NCAM2: variants seen among roughly 807,000 people sequenced by gnomAD.
NCAM2 encodes N-CAM-2.
NCAM2 carries 30 observed loss-of-function variants against 98.1 expected under a neutral mutation model. That is an observed-to-expected ratio of 0.31 (90% CI 0.23 to 0.41). NCAM2 has a LOEUF of 0.41. NCAM2 is among the 10% of genes least tolerant of loss of function. The pLI, the probability that NCAM2 is intolerant of heterozygous loss-of-function variation, is 1.00. For missense variants in NCAM2, 867 were observed against 1,005.8 expected, an observed-to-expected ratio of 0.86 and a Z score of 1.87; for synonymous variants, 368 against 342.4, an observed-to-expected ratio of 1.07 and a Z score of -0.83.
chr21:21,093,360 C>T (rs2066053356), intron 1 of NCAM2, among the ~76,000 whole-genome samples: 1 of 152,056 alleles, frequency 6.6e-6, no homozygotes, highest in Non-Finnish European at 1.5e-5. Context: ...CAAGAGCGAG[C>T]ATGTGCAATT....
intron 8 of NCAM2, among the ~76,000 whole-genome samples, chr21:21,365,508 G>A (rs1406377304): frequency 2.0e-5 from 3 of 151,656 alleles, no homozygotes; most frequent in African/African-American, 7.3e-5. Context: ...TACAATGTCT[G>A]GCATAAAATT....
intron 15 of NCAM2, among the ~76,000 whole-genome samples, chr21:21,481,948 A>G (rs1452816070): frequency 1.3e-5 from 2 of 151,990 alleles, no homozygotes; most frequent in African/African-American, 4.8e-5. Flanking sequence ...AAATACGAAA[A>G]TGAACCGGGC....
chr21:21,382,641 G>C (rs1286657397), intron 9 of NCAM2, among the ~76,000 whole-genome samples: 5 of 151,348 alleles, frequency 3.3e-5, no homozygotes, highest in Admixed American at 3.3e-4. Flanking sequence ...CCAACCTTCT[G>C]AGTAGCTGGG....
At chr21:21,140,454 G>A (rs1368851406) in intron 1 of NCAM2, among the ~76,000 whole-genome samples, 1 of 152,074 alleles carries the variant, frequency 6.6e-6, no homozygotes, top group Non-Finnish European at 1.5e-5. Flanking sequence ...CAGAAATAAT[G>A]ATAATCTTTT....
chr21:21,224,339 T>C (rs4818608), intron 1 of NCAM2, among the ~76,000 whole-genome samples: 150,983 of 152,252 alleles, frequency 0.99, 74,877 homozygotes, highest in East Asian at 1. Context: ...CTTAAGATGT[T>C]TTTGTTTTAT....
intron 6 of NCAM2, among the ~76,000 whole-genome samples, chr21:21,330,978 A>G (rs2074659716): frequency 6.6e-6 from 1 of 152,114 alleles, no homozygotes; most frequent in Non-Finnish European, 1.5e-5. Flanking sequence ...CTTCTCTGAG[A>G]GTTTCAAGGA....
rs34541675 is a variant in NCAM2 at position 21,135,079 on chromosome 21, CAA to C, written c.55+136477_55+136478del. Among the ~76,000 whole-genome samples the C allele has an allele frequency of 2.2e-3, 313 of 139,558 alleles. 1 individual carries two copies. Among genetic ancestry groups the C allele is most frequent in the African/African-American group, 5.5e-3 (214 of 38,682 alleles). 91.6% of individuals were successfully genotyped at this position (139,558 alleles called of 152,430 possible). On this transcript the variant is annotated intron_variant, in intron 1 of 17. Transcript: ENST00000400546. Reference sequence around the variant, plus strand: ...TGAAACCCCGTCTCTACTAAAAATACAAAAAAAAAAAAAAAAATTAGCTGGGC... The same window carrying C: ...TGAAACCCCGTCTCTACTAAAAATACAAAAAAAAAAAAAAATTAGCTGGGC...
intron 5 of NCAM2, among the ~76,000 whole-genome samples, chr21:21,323,992 T>C (rs1422786423): frequency 6.6e-6 from 1 of 152,194 alleles, no homozygotes; most frequent in Non-Finnish European, 1.5e-5. Context: ...GGTGGTATTG[T>C]CTTTTTCTGA....
intron 5 of NCAM2, among the ~76,000 whole-genome samples, chr21:21,295,282 G>T (rs2073436697): frequency 6.6e-6 from 1 of 151,766 alleles, no homozygotes; most frequent in East Asian, 2.0e-4. Flanking sequence ...AGATATCCTT[G>T]CTGGCTTCCT....
At chr21:21,362,947 G>T (rs1002149004) in intron 8 of NCAM2, among the ~76,000 whole-genome samples, 1 of 152,088 alleles carries the variant, frequency 6.6e-6, no homozygotes, top group Non-Finnish European at 1.5e-5. Flanking sequence ...TTTCTATATG[G>T]ATATTTGCAT....
At chr21:21,278,135 G>A (rs540580141) in intron 1 of NCAM2, among the ~76,000 whole-genome samples, 9 of 152,108 alleles carry the variant, frequency 5.9e-5, no homozygotes, top group Non-Finnish European at 1.2e-4. Context: ...AGAAAGAAAA[G>A]AGAAGACACA....
At chr21:21,351,891 C>A (rs1219853383) in intron 8 of NCAM2, among the ~76,000 whole-genome samples, 1 of 152,042 alleles carries the variant, frequency 6.6e-6, no homozygotes, top group Admixed American at 6.6e-5. Flanking sequence ...GGATTACAGG[C>A]ACACGCCATC....
intron 5 of NCAM2, among the ~76,000 whole-genome samples, chr21:21,300,496 T>C (rs2073673603): frequency 6.6e-6 from 1 of 151,422 alleles, no homozygotes. Flanking sequence ...AAGATATTGA[T>C]AGAACTTTTC....
chr21:21,073,406 A>G (rs574605932), intron 1 of NCAM2, among the ~76,000 whole-genome samples: 2 of 152,178 alleles, frequency 1.3e-5, no homozygotes, highest in African/African-American at 2.4e-5. Context: ...AGATCACAAT[A>G]TTTAATCAAG....
intron 8 of NCAM2, among the ~76,000 whole-genome samples, chr21:21,342,342 T>C (rs1234507117): frequency 6.6e-6 from 1 of 152,214 alleles, no homozygotes; most frequent in African/African-American, 2.4e-5. Flanking sequence ...GAATCTCTAA[T>C]GTGCTTGTAT....
rs1568849510 is a variant in NCAM2 at position 21,261,944 on chromosome 21, A to ATT, written c.56-18634_56-18633insTT. On this transcript the variant is annotated intron_variant, in intron 1 of 17. Coordinates refer to ENST00000400546, the MANE Select transcript of NCAM2 (RefSeq NM_004540.5). ...AAGTTAATTATTTGAAAGGTTAAAC[A>ATT]AAGGTGATAGATGGCTAGCTAGATT... 2.1e-3 allele frequency among the ~76,000 whole-genome samples: 324 copies of ATT among 152,284 alleles called. 3 individuals carry two copies. Among genetic ancestry groups the ATT allele is most frequent in the African/African-American group, 7.4e-3 (306 of 41,576 alleles).
At chr21:21,452,459 T>G (rs1037649955) in intron 12 of NCAM2, among the ~76,000 whole-genome samples, 16 of 140,764 alleles carry the variant, frequency 1.1e-4, no homozygotes, top group African/African-American at 3.9e-4. Context: ...GGGGGGAAGA[T>G]GTATTTATAG....
At chr21:21,364,256 C>T (rs1396480557) in intron 8 of NCAM2, among the ~76,000 whole-genome samples, 2 of 151,756 alleles carry the variant, frequency 1.3e-5, no homozygotes, top group Admixed American at 6.6e-5. Flanking sequence ...TAAATATAGG[C>T]ATATTTATTT....
chr21:21,260,589 T>C (rs908505856), intron 1 of NCAM2, among the ~76,000 whole-genome samples: 5 of 149,728 alleles, frequency 3.3e-5, no homozygotes, highest in African/African-American at 1.2e-4. Flanking sequence ...CAGCCAAGAA[T>C]TTTATTTCTT....
Sources: gnomAD v4.1 joint callset for allele counts (sites outside exome capture counted in the v4.1 genomes callset) on GRCh38, gnomAD v4.1.1 for gene constraint, MANE v1.5 for transcripts, NCBI Gene and HGNC (gene_info 2026-07-23, HGNC 2026-07-21) for gene names.